The following XPO4 variants were observed in gnomAD, a reference collection of about 807,000 sequenced individuals.
XPO4 encodes the protein exportin-4.
In XPO4, 39 loss-of-function variants were observed where a neutral mutation model predicts 143.0. That is an observed-to-expected ratio of 0.27 (90% CI 0.21 to 0.36). XPO4 has a LOEUF of 0.36. Among genes scored for constraint, XPO4 ranks in the 10% least tolerant of loss-of-function variants. The pLI is 1.00. For synonymous variants in XPO4, 439 were observed against 474.0 expected, an observed-to-expected ratio of 0.93 and a Z score of 0.96; for missense variants, 907 against 1,348.0, an observed-to-expected ratio of 0.67 and a Z score of 5.12.
At chr13:20,877,904 G>A (rs920085276) in intron 1 of XPO4, among the ~76,000 whole-genome samples, 1 of 152,144 alleles carries the variant, frequency 6.6e-6, no homozygotes, top group Non-Finnish European at 1.5e-5. Flanking sequence ...TAAAAATTAA[G>A]TGCAAAAACA....
At chr13:20,819,896 T>C (rs2059697964) in intron 9 of XPO4, among the ~76,000 whole-genome samples, 1 of 152,180 alleles carries the variant, frequency 6.6e-6, no homozygotes, top group African/African-American at 2.4e-5. Flanking sequence ...GAGGTTGAGA[T>C]GACATTTAGG....
intron 13 of XPO4, among the ~76,000 whole-genome samples, chr13:20,801,848 GA>G (rs2059438153): frequency 6.6e-6 from 1 of 152,126 alleles, no homozygotes; most frequent in Admixed American, 6.5e-5. Context: ...ATCTCATCAT[GA>G]AATCATACAC....
chr13:20,831,803 G>C (rs1305239722), intron 6 of XPO4, among the ~76,000 whole-genome samples: 1 of 100,932 alleles, frequency 9.9e-6, no homozygotes, highest in African/African-American at 3.7e-5. Context: ...TTAGTACAGT[G>C]ATTTTTTTTT....
Position 20,778,479 on chromosome 13 carries a change from T to C in XPO4, c.*5243A>G, listed in dbSNP as rs1465264253. On this transcript the variant is annotated 3_prime_UTR_variant, in exon 23 of 23. Coordinates refer to ENST00000255305, the MANE Select transcript of XPO4 (RefSeq NM_022459.5). ...TGGATCTATCTAGCACACAGTAATA[T>C]GGTAATTCACCACTTTCCCTGAAAG... 7 of 152,216 alleles carry C rather than the reference T, an allele frequency of 4.6e-5. No homozygotes were observed. In the East Asian group the frequency reaches 7.7e-4, roughly 17 times the overall value. 9.4% of individuals were successfully genotyped at this position (152,216 alleles called of 1,614,324 possible).
chr13:20,882,124 A>AAAAAAAAAAAAAAAAAAAAAAGAAAG (rs1566624780), intron 1 of XPO4, among the ~76,000 whole-genome samples: 9 of 147,832 alleles, frequency 6.1e-5, no homozygotes, highest in African/African-American at 2.4e-4. Context: ...AAAAAAAAAA[A>AAAAAAAAAAAAAAAAAAAAAAGAAAG]AAAGAAAGAA....
chr13:20,849,229 T>C, intron 4 of XPO4: 2 of 985,444 alleles, frequency 2.0e-6, no homozygotes, highest in Non-Finnish European at 2.4e-6. Flanking sequence ...TAAAGCAGAC[T>C]TCCAGCTGCT....
intron 1 of XPO4, among the ~76,000 whole-genome samples, chr13:20,894,504 A>T (rs2060548982): frequency 6.6e-6 from 1 of 152,192 alleles, no homozygotes; most frequent in Non-Finnish European, 1.5e-5. Context: ...TCTTCAACAT[A>T]AAAATAATTG....
rs1022956964 is a variant in XPO4, at chr13:20,780,394, T to C, written c.*3328A>G. 2 of 152,182 alleles carry C rather than the reference T, an allele frequency of 1.3e-5. No homozygotes were observed. Among genetic ancestry groups the C allele is most frequent in the African/African-American group, 2.4e-5 (1 of 41,444 alleles). The allele number at this position is 152,182 out of a possible 1,614,324, so 9.4% of individuals were successfully genotyped here. On this transcript the variant is annotated 3_prime_UTR_variant, in exon 23 of 23. Coordinates refer to ENST00000255305, the MANE Select transcript of XPO4 (RefSeq NM_022459.5). Reference sequence around the variant, plus strand: ...TGACAGCTAGTTCCCTTCAATACTTTAGGGGTTCATAGAAGTATTAACAGA... The same window carrying C: ...TGACAGCTAGTTCCCTTCAATACTTCAGGGGTTCATAGAAGTATTAACAGA...
At chr13:20,862,031 C>T (rs1026285792) in intron 3 of XPO4, among the ~76,000 whole-genome samples, 2 of 152,106 alleles carry the variant, frequency 1.3e-5, no homozygotes, top group African/African-American at 4.8e-5. Context: ...TCATGATCTG[C>T]CTGGCTTGGC....
At chr13:20,861,045 G>A (rs1414263018) in intron 3 of XPO4, among the ~76,000 whole-genome samples, 4 of 151,986 alleles carry the variant, frequency 2.6e-5, no homozygotes, top group African/African-American at 9.7e-5. Flanking sequence ...ATGCATGACA[G>A]TATGCTCTAA....
chr13:20,869,385 T>C, intron 1 of XPO4: 3 of 341,404 alleles, frequency 8.8e-6, no homozygotes, highest in Non-Finnish European at 1.2e-5. Flanking sequence ...GAGCCAGATC[T>C]ACCTAAAACG....
chr13:20,839,014 A>G (rs2059946735), intron 6 of XPO4, among the ~76,000 whole-genome samples: 1 of 152,246 alleles, frequency 6.6e-6, no homozygotes, highest in Admixed American at 6.5e-5. Context: ...CTGTAATCCC[A>G]GCACTTTGGG....
At position 20,782,271 on chromosome 13, in the gene XPO4, CAG is replaced by C. The variant is rs1555328911; in HGVS notation, c.*1449_*1450del. ...ATAGGTGTCAGGAACATGGTGGAAG[CAG>C]AGTTTCATGAGTGCACCTGTGCCAG... On this transcript the variant is annotated 3_prime_UTR_variant, in exon 23 of 23. Coordinates refer to ENST00000255305, the MANE Select transcript of XPO4 (RefSeq NM_022459.5). The C allele has an allele frequency of 6.6e-6, 1 of 152,232 alleles. No homozygotes were observed. Among genetic ancestry groups the C allele is most frequent in the Non-Finnish European group, 1.5e-5 (1 of 68,040 alleles). The allele number at this position is 152,232 out of a possible 1,614,324, so 9.4% of individuals were successfully genotyped here. A position where few individuals can be genotyped will look rare whatever the true frequency, so the allele number is the denominator to read the frequency against.
At chr13:20,807,226 G>C (rs2059519922) in intron 13 of XPO4, among the ~76,000 whole-genome samples, 3 of 152,076 alleles carry the variant, frequency 2.0e-5, no homozygotes, top group African/African-American at 7.2e-5. Flanking sequence ...AGAATAATTT[G>C]ACATTACTTT....
In XPO4 at chr13:20,800,866, T is replaced by C. The variant is rs749581657; in HGVS notation, c.1942A>G (p.Thr648Ala). Reference protein sequence around the residue: ...IVWFLKRWAKTYLLVDEKLYD... With the variant: ...IVWFLKRWAKAYLLVDEKLYD... ...AGTTTTTCATCCACCAGGAGATAAG[T>C]CTTTGCCCAGCGTTTTAAAAACCAA... Residue 648 changes from threonine (T) to alanine (A), a missense_variant, in exon 14 of 23, where the codon ACT (threonine) becomes GCT (alanine). Coordinates refer to ENST00000255305, the MANE Select transcript of XPO4 (RefSeq NM_022459.5). 2.4e-5 allele frequency: 38 copies of C among 1,613,888 alleles called. No homozygotes were observed. Among genetic ancestry groups the C allele is most frequent in the South Asian group, 3.3e-5 (3 of 91,078 alleles).
chr13:20,830,519 A>C (rs1348370), intron 6 of XPO4, among the ~76,000 whole-genome samples: 44,081 of 152,022 alleles, frequency 0.29, 8,076 homozygotes, highest in East Asian at 0.8. Context: ...TATATACCAT[A>C]ATAAAAATGC....
chr13:20,823,531 C>T (rs1232452140), intron 7 of XPO4, among the ~76,000 whole-genome samples: 2 of 151,558 alleles, frequency 1.3e-5, no homozygotes, highest in Admixed American at 6.6e-5. Flanking sequence ...ATTTGGCCCC[C>T]GCCTGTTTTT....
chr13:20,818,266 C>T (rs1173628077), intron 9 of XPO4, among the ~76,000 whole-genome samples: 1 of 152,124 alleles, frequency 6.6e-6, no homozygotes, highest in African/African-American at 2.4e-5. Flanking sequence ...ACCAGAATTG[C>T]TCTTTGTGAA....
At chr13:20,806,972 A>G (rs1358201017) in intron 13 of XPO4, among the ~76,000 whole-genome samples, 1 of 152,206 alleles carries the variant, frequency 6.6e-6, no homozygotes, top group African/African-American at 2.4e-5. Context: ...CTCCTGTATT[A>G]TAACAGGGCT....
Sources: allele counts gnomAD v4.1 joint callset (sites outside exome capture counted in the v4.1 genomes callset), GRCh38; gene constraint gnomAD v4.1.1; transcripts MANE v1.5; gene names NCBI Gene and HGNC (gene_info 2026-07-23, HGNC 2026-07-21).